DPP10: variants seen among roughly 807,000 people sequenced by gnomAD.
DPP10 encodes the protein dipeptidyl peptidase like 10, also known as inactive dipeptidyl peptidase 10.
In DPP10, 33 loss-of-function variants were observed where a neutral mutation model predicts 120.9. That is an observed-to-expected ratio of 0.27 (90% confidence interval 0.21 to 0.37). The LOEUF is 0.37. DPP10 is among the 10% of genes least tolerant of loss of function. DPP10 has a pLI of 1.00. For synonymous variants in DPP10, 337 were observed against 326.1 expected (o/e 1.03, Z -0.36); for missense variants, 816 against 942.8 (o/e 0.87, Z 1.76).
chr2:114,699,134 G>C (rs1700237572), intron 1 of DPP10, among the ~76,000 whole-genome samples: 1 of 152,082 alleles, frequency 6.6e-6, no homozygotes, highest in Non-Finnish European at 1.5e-5. Flanking sequence ...ACCATTAAAT[G>C]GTGATAATCT....
At chr2:115,120,963 G>A (rs1031727010) in intron 1 of DPP10, among the ~76,000 whole-genome samples, 4 of 152,150 alleles carry the variant, frequency 2.6e-5, no homozygotes, top group Admixed American at 6.5e-5. Flanking sequence ...CTACGAAGAG[G>A]GAGAAGATAA....
chr2:115,749,290 G>T (rs979260454), intron 10 of DPP10, among the ~76,000 whole-genome samples: 11 of 152,178 alleles, frequency 7.2e-5, no homozygotes, highest in Non-Finnish European at 1.2e-4. Flanking sequence ...TTAATTTGGA[G>T]AAGTGATACG....
At chr2:115,071,008 A>G (rs1312600021) in intron 1 of DPP10, among the ~76,000 whole-genome samples, 1 of 152,152 alleles carries the variant, frequency 6.6e-6, no homozygotes, top group Non-Finnish European at 1.5e-5. Context: ...TTTATGAAGG[A>G]CAAAAGGTTA....
intron 5 of DPP10, among the ~76,000 whole-genome samples, chr2:115,669,125 T>G (rs1057406112): frequency 2.0e-5 from 3 of 152,124 alleles, no homozygotes; most frequent in Admixed American, 2.0e-4. Flanking sequence ...TTATTGTTAC[T>G]GTTATTGAGT....
intron 1 of DPP10, among the ~76,000 whole-genome samples, chr2:114,837,382 T>C (rs1021214644): frequency 6.6e-6 from 1 of 152,144 alleles, no homozygotes; most frequent in African/African-American, 2.4e-5. Flanking sequence ...ATATTAGGGA[T>C]TGTATGGCTA....
At chr2:114,829,766 A>G (rs991128065) in intron 1 of DPP10, among the ~76,000 whole-genome samples, 1 of 151,708 alleles carries the variant, frequency 6.6e-6, no homozygotes, top group African/African-American at 2.4e-5. Context: ...CATTATTACT[A>G]TTTTTTCAAG....
rs564954623 is a variant in DPP10, at chr2:115,416,565, C to T, written c.271+72653C>T. 9.7e-4 allele frequency among the ~76,000 whole-genome samples: 147 copies of T among 152,160 alleles called. 2 individuals are homozygous for T. Among genetic ancestry groups the T allele is most frequent in the African/African-American group, 3.2e-3 (133 of 41,538 alleles). On this transcript the variant is annotated intron_variant, in intron 3 of 25. Transcript: ENST00000410059. ...AGGATTTATCTGTCTTTTCCATTCC[C>T]GGTATCAAGTTCTTAACTACTAAAT...
At chr2:115,567,121 CTTTTT>C (rs538522167) in intron 5 of DPP10, among the ~76,000 whole-genome samples, 1 of 148,866 alleles carries the variant, frequency 6.7e-6, no homozygotes, top group Non-Finnish European at 1.5e-5. Context: ...TATTTGGTGT[CTTTTT>C]TTTTTCTTTT....
intron 3 of DPP10, among the ~76,000 whole-genome samples, chr2:115,400,358 G>A (rs757196942): frequency 6.6e-6 from 1 of 151,878 alleles, no homozygotes; most frequent in Non-Finnish European, 1.5e-5. Context: ...AAATTGCCCT[G>A]TTTAAAAAAT....
chr2:114,941,393 G>A (rs1401895959), intron 1 of DPP10, among the ~76,000 whole-genome samples: 8 of 152,122 alleles, frequency 5.3e-5, no homozygotes, highest in African/African-American at 1.9e-4. Flanking sequence ...GTTACCCAGA[G>A]GAGCTTCTCC....
At chr2:114,969,152 G>T (rs891661952) in intron 1 of DPP10, among the ~76,000 whole-genome samples, 1 of 152,096 alleles carries the variant, frequency 6.6e-6, no homozygotes, top group Admixed American at 6.5e-5. Flanking sequence ...CAAAAATTTT[G>T]GTGTAGTTTC....
At chr2:115,687,863 T>C (rs2091088963) in intron 5 of DPP10, among the ~76,000 whole-genome samples, 2 of 152,062 alleles carry the variant, frequency 1.3e-5, no homozygotes, top group Admixed American at 1.3e-4. Context: ...CCAGCAACTT[T>C]TTCTCTTTAG....
chr2:115,758,786 A>G (rs1472777411), intron 11 of DPP10, among the ~76,000 whole-genome samples: 1 of 152,190 alleles, frequency 6.6e-6, no homozygotes, highest in Non-Finnish European at 1.5e-5. Context: ...TGCAGAGAAC[A>G]GACCCACATT....
chr2:115,318,244 A>C (rs1574404094), intron 2 of DPP10, among the ~76,000 whole-genome samples: 1 of 152,112 alleles, frequency 6.6e-6, no homozygotes, highest in African/African-American at 2.4e-5. Flanking sequence ...GGTTATAGAT[A>C]TATGAGTTAT....
chr2:115,701,296 G>A (rs957284908), intron 7 of DPP10, among the ~76,000 whole-genome samples: 18 of 152,048 alleles, frequency 1.2e-4, no homozygotes, highest in South Asian at 6.2e-4. Context: ...ATAAACTTTC[G>A]CATTTATGAT....
At chr2:115,778,173 C>T (rs751919375) in intron 15 of DPP10, among the ~76,000 whole-genome samples, 46 of 152,040 alleles carry the variant, frequency 3.0e-4, no homozygotes, top group Non-Finnish European at 5.7e-4. Flanking sequence ...TGCTAAGTCT[C>T]ATTTTGAATT....
intron 11 of DPP10, among the ~76,000 whole-genome samples, chr2:115,754,701 A>G (rs1183382126): frequency 6.6e-6 from 1 of 152,132 alleles, no homozygotes; most frequent in Non-Finnish European, 1.5e-5. Context: ...TCAATACTAT[A>G]TATGTAGAAA....
intron 1 of DPP10, among the ~76,000 whole-genome samples, chr2:114,728,979 T>G (rs1036037681): frequency 1.1e-4 from 16 of 152,192 alleles, no homozygotes; most frequent in Non-Finnish European, 2.1e-4. Context: ...ATTTTTGGTG[T>G]TTTTCTTTGG....
intron 1 of DPP10, among the ~76,000 whole-genome samples, chr2:114,797,463 A>T (rs763490767): frequency 1.4e-4 from 22 of 152,230 alleles, no homozygotes; most frequent in Non-Finnish European, 2.9e-4. Flanking sequence ...AGTCAGCATT[A>T]CCAGATAACG....
Sources: allele counts gnomAD v4.1 joint callset (sites outside exome capture counted in the v4.1 genomes callset), GRCh38; gene constraint gnomAD v4.1.1; transcripts MANE v1.5; gene names NCBI Gene and HGNC (gene_info 2026-07-23, HGNC 2026-07-21).